Variants in RERE observed in about 807,000 individuals in gnomAD.
RERE encodes arginine-glutamic acid dipeptide repeats.
Under a neutral mutation model 146.1 loss-of-function variants are expected in RERE, and 40 were observed. The observed-to-expected ratio is 0.27, with a 90% CI of 0.21 to 0.36. The LOEUF (loss-of-function observed/expected upper bound fraction) is 0.36. Among genes scored for constraint, RERE ranks in the 10% least tolerant of loss-of-function variants. The pLI, the probability that RERE is intolerant of heterozygous loss-of-function variation, is 1.00. For missense variants in RERE, 1,933 were observed against 2,138.7 expected (o/e 0.90, Z 1.90); for synonymous variants, 1,003 against 866.0 (o/e 1.16, Z -2.78).
At chr1:8,766,120 A>T (rs1640840808) in intron 1 of RERE, among the ~76,000 whole-genome samples, 1 of 152,180 alleles carries the variant, frequency 6.6e-6, no homozygotes, top group Non-Finnish European at 1.5e-5. Flanking sequence ...CAAAACAACA[A>T]CAACAAAAAG....
intron 15 of RERE, 101 bp from the exon 16 acceptor site, chr1:8,362,945 C>A (rs905184832): frequency 3.0e-6 from 4 of 1,317,348 alleles, no homozygotes. Flanking sequence ...CACACCCTAT[C>A]AGCCTCTCAG....
rs1485825669 is a variant in RERE, at chr1:8,354,542, ATTAT to A, written c.*541_*544del. On this transcript the variant is annotated 3_prime_UTR_variant, in exon 23 of 23. Coordinates refer to ENST00000400908, the MANE Select transcript of RERE (RefSeq NM_001042681.2). The stretch of plus-strand genomic sequence containing the variant: ...TGGAAGAAAAAAAGGCTGTTCTAAA[ATTAT>A]TTATTTACAGACGTAAAAAGCCATG... 1 of 152,298 alleles carries A rather than the reference ATTAT, an allele frequency of 6.6e-6. No individual in the cohort carries two copies. The highest frequency in any genetic ancestry group is 2.4e-5 in the African/African-American group (1 of 41,448). 9.4% of individuals were successfully genotyped at this position (152,298 alleles called of 1,614,324 possible).
At chr1:8,367,032 C>T (rs571952791) in intron 12 of RERE, among the ~76,000 whole-genome samples, 11 of 151,856 alleles carry the variant, frequency 7.2e-5, no homozygotes, top group South Asian at 2.1e-4. Context: ...ATTAGCTTGG[C>T]GACTAGATGC....
chr1:8,614,630 T>TG lies in RERE; in HGVS notation c.452dup (p.Ala152SerfsTer16), dbSNP rs1233062866. On this transcript the variant is annotated frameshift_variant, in exon 4 of 23. Transcript: ENST00000400908. LOFTEE classifies it high-confidence loss of function. Reference sequence around the variant, plus strand: ...GTGATGCCACCGGCAGAGAGCATGCTGGGGGGTCACACAAAGCAGGAGTTG... The same window carrying TG: ...GTGATGCCACCGGCAGAGAGCATGCTGGGGGGGTCACACAAAGCAGGAGTTG... 6 of 1,612,962 alleles carry TG rather than the reference T, an allele frequency of 3.7e-6. No individual in the cohort carries two copies. Among genetic ancestry groups the TG allele is most frequent in the East Asian group, 2.2e-5 (1 of 44,852 alleles).
chr1:8,689,689 TA>T (rs1639165886), intron 1 of RERE, among the ~76,000 whole-genome samples: 1 of 149,630 alleles, frequency 6.7e-6, no homozygotes, highest in Non-Finnish European at 1.5e-5. Flanking sequence ...CCACAGGGAC[TA>T]AAAATAAAGG....
intron 4 of RERE, among the ~76,000 whole-genome samples, chr1:8,580,998 T>C (rs1646358180): frequency 6.6e-6 from 1 of 152,116 alleles, no homozygotes; most frequent in South Asian, 2.1e-4. Context: ...AACCAGATCC[T>C]GCTACTACTC....
chr1:8,784,073 G>C (rs1482918383), intron 1 of RERE, among the ~76,000 whole-genome samples: 1 of 152,210 alleles, frequency 6.6e-6, no homozygotes. Context: ...GCATGTGCTT[G>C]TAATGGCAGC....
intron 2 of RERE, among the ~76,000 whole-genome samples, chr1:8,639,923 C>G (rs190863028): frequency 3.3e-5 from 5 of 152,124 alleles, no homozygotes; most frequent in African/African-American, 1.2e-4. Context: ...TAATGATAGC[C>G]TGCTTTAGAG....
chr1:8,433,553 C>CTTTTTT (rs35096712), intron 11 of RERE, among the ~76,000 whole-genome samples: 2 of 130,214 alleles, frequency 1.5e-5, no homozygotes, highest in Admixed American at 7.7e-5. Flanking sequence ...CCATTCATTT[C>CTTTTTT]TTTTTTTTTT....
chr1:8,615,581 A>C (rs1030494143), intron 3 of RERE, among the ~76,000 whole-genome samples: 5 of 152,214 alleles, frequency 3.3e-5, no homozygotes, highest in Non-Finnish European at 2.9e-5. Flanking sequence ...AATCCATAAA[A>C]TCCCAATACT....
In RERE at chr1:8,619,755, G is replaced by C. The variant is rs1423834136; in HGVS notation, c.396+4555C>G. ...ATTTGTATTATACTTCTTAATGCCT[G>C]GGTTTCTATAAAAATATGATTTTAT... On this transcript the variant is annotated intron_variant, in intron 3 of 22. Coordinates refer to ENST00000400908, the MANE Select transcript of RERE (RefSeq NM_001042681.2). Among the ~76,000 whole-genome samples, 3 of 152,166 alleles carry C rather than the reference G, an allele frequency of 2.0e-5. No individual in the cohort carries two copies. In the East Asian group the frequency reaches 5.8e-4, roughly 29 times the overall value.
At chr1:8,376,970 G>T (rs753915884) in intron 12 of RERE, among the ~76,000 whole-genome samples, 4 of 152,252 alleles carry the variant, frequency 2.6e-5, no homozygotes, top group Non-Finnish European at 1.5e-5. Context: ...TCAAGCAATA[G>T]ATAACTATTG....
intron 15 of RERE, among the ~76,000 whole-genome samples, chr1:8,363,085 G>A (rs1641654104): frequency 6.6e-6 from 1 of 152,226 alleles, no homozygotes; most frequent in Non-Finnish European, 1.5e-5. Flanking sequence ...CAAACCTAAA[G>A]CACTCATCCC....
rs1298022061 is a variant in RERE at position 8,493,992 on chromosome 1, AAAC to A, written c.1104+1068_1104+1070del. ...TATAGCCTAAGGCCAAAACAAATAA[AAAC>A]AACAACAACAAACAAAGAACGAAAG... is the stretch of plus-strand genomic sequence containing the variant. On this transcript the variant is annotated intron_variant, in intron 10 of 22. Coordinates refer to ENST00000400908, the MANE Select transcript of RERE (RefSeq NM_001042681.2). 2.6e-5 allele frequency among the ~76,000 whole-genome samples: 4 copies of A among 152,336 alleles called. No homozygotes were observed. The South Asian group carries it at 6.2e-4, about 24-fold the overall frequency.
chr1:8,374,277 T>C (rs1041983937), intron 12 of RERE, among the ~76,000 whole-genome samples: 2 of 152,226 alleles, frequency 1.3e-5, no homozygotes, highest in Non-Finnish European at 2.9e-5. Flanking sequence ...TGGCTTTAAC[T>C]TGTAAATAGG....
chr1:8,360,838 G>A lies in RERE; in HGVS notation c.2669C>T (p.Ala890Val), dbSNP rs1641541657. The A allele has an allele frequency of 4.5e-6, 7 of 1,544,114 alleles. No individual in the cohort carries two copies. The highest frequency in any genetic ancestry group is 1.4e-5 in the African/African-American group (1 of 73,664). ...CAGGGAGGTGTGAGGGTACGCTGCT[G>A]CTGGGGAGGTCCCCAGAGGGGCCTG... is the stretch of plus-strand genomic sequence containing the variant. ...QGQAPLGTSPAAAYPHTSLQL... is the reference protein window; with the variant it reads ...QGQAPLGTSPVAAYPHTSLQL... The change falls in exon 18 of 23, where the codon GCA becomes GTA. Residue 890 changes from alanine (A) to valine (V), a missense_variant. Ala to Val is a moderately conservative substitution (Grantham distance 64). Coordinates refer to ENST00000400908, the MANE Select transcript of RERE (RefSeq NM_001042681.2).
At chr1:8,745,525 G>A (rs762164960) in intron 1 of RERE, among the ~76,000 whole-genome samples, 1 of 151,968 alleles carries the variant, frequency 6.6e-6, no homozygotes, top group Non-Finnish European at 1.5e-5. Context: ...CCAGACCACC[G>A]TTGGCCTAGG....
intron 6 of RERE, among the ~76,000 whole-genome samples, chr1:8,549,791 A>T (rs892930305): frequency 6.6e-6 from 1 of 152,258 alleles, no homozygotes; most frequent in Non-Finnish European, 1.5e-5. Flanking sequence ...AGATGCACTC[A>T]GAAACATGTA....
chr1:8,456,531 C>T (rs1041498210), intron 11 of RERE, among the ~76,000 whole-genome samples: 5 of 152,020 alleles, frequency 3.3e-5, no homozygotes, highest in African/African-American at 1.2e-4. Flanking sequence ...TAACTGAAGC[C>T]GTAAAAACAC....
Sources: allele counts gnomAD v4.1 joint callset (sites outside exome capture counted in the v4.1 genomes callset), GRCh38; gene constraint gnomAD v4.1.1; transcripts MANE v1.5; gene names NCBI Gene and HGNC (gene_info 2026-07-23, HGNC 2026-07-21).